NFATC3: variants seen among roughly 807,000 people sequenced by gnomAD.
NFATC3 encodes the protein nuclear factor of activated T cells 3, also known as nuclear factor of activated T-cells, cytoplasmic 3.
A neutral mutation model predicts 98.6 loss-of-function variants in NFATC3; 46 were observed. The observed-to-expected ratio is 0.47, with a 90% CI of 0.37 to 0.60. NFATC3 has a LOEUF of 0.60. NFATC3 is among the 20% of genes least tolerant of loss of function. The pLI, the probability that NFATC3 is intolerant of heterozygous loss-of-function variation, is 0.00. For synonymous variants in NFATC3, 512 were observed against 472.2 expected, an observed-to-expected ratio of 1.08 and a Z score of -1.09; for missense variants, 1,256 against 1,295.5, an observed-to-expected ratio of 0.97 and a Z score of 0.47.
chr16:68,127,107 G>T (rs979295863), intron 3 of NFATC3, among the ~76,000 whole-genome samples: 4 of 152,078 alleles, frequency 2.6e-5, no homozygotes, highest in African/African-American at 9.7e-5. Context: ...CAGCTCTGCG[G>T]CAGGCTGAGG....
intron 1 of NFATC3, among the ~76,000 whole-genome samples, chr16:68,108,005 C>T (rs1312437814): frequency 6.9e-6 from 1 of 144,686 alleles, no homozygotes; most frequent in African/African-American, 2.6e-5. Context: ...CAAAAGTTTT[C>T]TCCCATTCTG....
intron 3 of NFATC3, among the ~76,000 whole-genome samples, chr16:68,153,910 G>A (rs1364524090): frequency 1.3e-5 from 2 of 151,776 alleles, no homozygotes; most frequent in Admixed American, 6.6e-5. Context: ...CACCGTGCCC[G>A]GCCCACATTA....
intron 1 of NFATC3, among the ~76,000 whole-genome samples, chr16:68,102,321 G>A (rs1287439477): frequency 2.2e-5 from 3 of 135,266 alleles, no homozygotes; most frequent in Admixed American, 8.2e-5. Context: ...GCAGTGAGCC[G>A]AGATTGCACT....
chr16:68,134,607 AG>A (rs1353319307), intron 3 of NFATC3, among the ~76,000 whole-genome samples: 1 of 151,908 alleles, frequency 6.6e-6, no homozygotes, highest in Non-Finnish European at 1.5e-5. Context: ...TGTTGATTAG[AG>A]GTGGTGATGG....
chr16:68,087,760 T>C (rs181477219), intron 1 of NFATC3, among the ~76,000 whole-genome samples: 5 of 152,326 alleles, frequency 3.3e-5, no homozygotes, highest in African/African-American at 1.2e-4. Flanking sequence ...TCTGTCTCTA[T>C]GGTACCTCTT....
At position 68,179,222 on chromosome 16, in the gene NFATC3, C is replaced by T. The variant is rs116883401; in HGVS notation, c.1916-2253C>T. On this transcript the variant is annotated intron_variant, in intron 6 of 9. Coordinates refer to ENST00000346183, the MANE Select transcript of NFATC3 (RefSeq NM_173165.3). Reference sequence around the variant, plus strand: ...CCCCTCCCCAAGATTAGGTTGAAGACCCTGATCCCTGTGTTCTTGGTTTAT... The same window carrying T: ...CCCCTCCCCAAGATTAGGTTGAAGATCCTGATCCCTGTGTTCTTGGTTTAT... 9.1e-3 allele frequency among the ~76,000 whole-genome samples: 1,392 copies of T among 152,288 alleles called. 15 individuals carry two copies. The highest frequency in any genetic ancestry group is 0.014 in the Non-Finnish European group (937 of 68,026).
At chr16:68,190,206 A>G (rs1041393067) in intron 8 of NFATC3, among the ~76,000 whole-genome samples, 3 of 152,202 alleles carry the variant, frequency 2.0e-5, no homozygotes, top group Admixed American at 1.3e-4. Flanking sequence ...TGATCCCCAC[A>G]TGATGGCAGA....
chr16:68,115,941 T>A (rs939012606), intron 1 of NFATC3, among the ~76,000 whole-genome samples: 4 of 152,146 alleles, frequency 2.6e-5, no homozygotes, highest in Non-Finnish European at 4.4e-5. Flanking sequence ...CTAGTAAAAA[T>A]TTTTTTAAAG....
chr16:68,158,328 A>T (rs1329820731), intron 4 of NFATC3, among the ~76,000 whole-genome samples: 1 of 152,158 alleles, frequency 6.6e-6, no homozygotes, highest in African/African-American at 2.4e-5. Context: ...CTGGACTTTC[A>T]TCAAATGGCT....
At chr16:68,182,666 G>T (rs556593650) in intron 7 of NFATC3, among the ~76,000 whole-genome samples, 23 of 151,834 alleles carry the variant, frequency 1.5e-4, no homozygotes, top group Non-Finnish European at 2.5e-4. Flanking sequence ...GACTACAGGC[G>T]TGCAATATCA....
chr16:68,185,862 CAAA>C (rs764335192), intron 8 of NFATC3, among the ~76,000 whole-genome samples: 3 of 49,350 alleles, frequency 6.1e-5, no homozygotes, highest in Admixed American at 2.1e-4. Flanking sequence ...GACTCCGTCT[CAAA>C]AAAAAAAAAA....
At chr16:68,137,818 G>A (rs533342339) in intron 3 of NFATC3, among the ~76,000 whole-genome samples, 6 of 151,732 alleles carry the variant, frequency 4.0e-5, no homozygotes, top group East Asian at 1.9e-4. Flanking sequence ...GGGTTTCACC[G>A]TGTTAGCCAG....
intron 3 of NFATC3, among the ~76,000 whole-genome samples, chr16:68,133,004 A>G (rs924987566): frequency 6.6e-6 from 1 of 152,136 alleles, no homozygotes; most frequent in Non-Finnish European, 1.5e-5. Flanking sequence ...AGTGGCTCAC[A>G]CCTGTAATCC....
At chr16:68,221,623 G>T in intron 9 of NFATC3, 5 of 1,040,626 alleles carry the variant, frequency 4.8e-6, no homozygotes, top group Non-Finnish European at 5.8e-6. Flanking sequence ...TCTCCTGACT[G>T]CTGGTGAATT....
At chr16:68,110,039 CTG>C (rs1205017566) in intron 1 of NFATC3, among the ~76,000 whole-genome samples, 2 of 152,090 alleles carry the variant, frequency 1.3e-5, no homozygotes, top group Non-Finnish European at 2.9e-5. Context: ...GAGTCTCACT[CTG>C]TTGCTCAGGC....
chr16:68,220,137 G>A lies in NFATC3; in HGVS notation c.3107-6213G>A, dbSNP rs910837606. ...CACAGATGGTGGCTGCCAAAAGTGT[G>A]CCAGATCCTGTGACCTACATAACCT... On this transcript the variant is annotated intron_variant, in intron 9 of 9. Coordinates refer to ENST00000346183, the MANE Select transcript of NFATC3 (RefSeq NM_173165.3). Among the ~76,000 whole-genome samples, 6 of 152,208 alleles carry A rather than the reference G, an allele frequency of 3.9e-5. No individual in the cohort carries two copies. In the South Asian group the frequency reaches 8.3e-4, roughly 21 times the overall value.
At chr16:68,182,663 G>A (rs2151627760) in intron 7 of NFATC3, among the ~76,000 whole-genome samples, 1 of 152,042 alleles carries the variant, frequency 6.6e-6, no homozygotes, top group South Asian at 2.1e-4. Flanking sequence ...TGGGACTACA[G>A]GCGTGCAATA....
intron 1 of NFATC3, among the ~76,000 whole-genome samples, chr16:68,093,860 G>T (rs565531353): frequency 2.0e-5 from 3 of 152,286 alleles, no homozygotes; most frequent in Middle Eastern, 3.4e-3. Context: ...AGTACAGAAA[G>T]ACTCAGTTTT....
chr16:68,184,740 C>T, intron 8 of NFATC3, among the ~76,000 whole-genome samples: 1 of 151,794 alleles, frequency 6.6e-6, no homozygotes. Flanking sequence ...GGAGGCAGAG[C>T]TTGCAGTGAG....
Sources: allele counts gnomAD v4.1 joint callset (sites outside exome capture counted in the v4.1 genomes callset), GRCh38; gene constraint gnomAD v4.1.1; transcripts MANE v1.5; gene names NCBI Gene and HGNC (gene_info 2026-07-23, HGNC 2026-07-21).